Variants in KCNT1 observed in about 807,000 individuals in gnomAD.
The protein encoded by KCNT1 is potassium sodium-activated channel subfamily T member 1, also known as potassium channel subfamily T member 1.
A neutral mutation model predicts 147.8 loss-of-function variants in KCNT1; 78 were observed. The ratio of observed to expected loss-of-function variants is 0.53; its 90% CI spans 0.44 to 0.64. KCNT1 has a LOEUF of 0.64. Ranked by LOEUF, KCNT1 falls within the 30% of genes least tolerant of loss-of-function variation. The pLI is 0.00. For missense variants in KCNT1, 1,419 were observed against 1,750.3 expected, an observed-to-expected ratio of 0.81 and a Z score of 3.38; for synonymous variants, 867 against 748.8, an observed-to-expected ratio of 1.16 and a Z score of -2.58.
At chr9:135,769,925 C>T (rs963082848) in intron 15 of KCNT1, 22 bp from the exon 16 acceptor site, 10 of 1,520,372 alleles carry the variant, frequency 6.6e-6, no homozygotes, top group East Asian at 2.5e-5. Flanking sequence ...GCAGGTGGAC[C>T]GGCCTCCCCC....
Position 135,786,420 on chromosome 9 carries a change from G to GC in KCNT1, c.3403dup (p.Gln1135ProfsTer11). The GC allele has an allele frequency of 1.3e-6, 2 of 1,587,224 alleles. No homozygotes were observed. The highest frequency in any genetic ancestry group is 1.7e-6 in the Non-Finnish European group (2 of 1,167,610). ...CGGGCGGCGGCCGCGGAGTGGATCAGCCAGCAGCGCCTCAGCCTGTACCGG... is the reference window on the plus strand; with the variant it reads ...CGGGCGGCGGCCGCGGAGTGGATCAGCCCAGCAGCGCCTCAGCCTGTACCGG... On this transcript the variant is annotated frameshift_variant, in exon 29 of 31. Coordinates refer to ENST00000371757, the MANE Select transcript of KCNT1 (RefSeq NM_020822.3). LOFTEE classifies it high-confidence loss of function.
intron 2 of KCNT1, among the ~76,000 whole-genome samples, chr9:135,721,219 C>T (rs1236063351): frequency 6.6e-6 from 1 of 152,206 alleles, no homozygotes; most frequent in African/African-American, 2.4e-5. Flanking sequence ...CACTCCGCTC[C>T]AGCACCGGGT....
chr9:135,753,206 G>T (rs964059848), intron 4 of KCNT1, among the ~76,000 whole-genome samples: 7 of 152,182 alleles, frequency 4.6e-5, no homozygotes, highest in African/African-American at 1.2e-4. Flanking sequence ...ATACTTCTGT[G>T]GGCACTTAGT....
chr9:135,749,189 C>T (rs1252809214), intron 2 of KCNT1, among the ~76,000 whole-genome samples: 3 of 152,190 alleles, frequency 2.0e-5, no homozygotes, highest in Non-Finnish European at 2.9e-5. Flanking sequence ...GGAGACCCTG[C>T]GTCCAAGGCT....
rs1835626763 is a variant in KCNT1, at chr9:135,714,334, T to C, written c.111-243T>C. ...CCTCCTGCCAGGCCCCGGGGCCGCT[T>C]TGGAGGGAGCCCCGCCCCCTGCCCC... On this transcript the variant is annotated intron_variant, in intron 1 of 30. Coordinates refer to ENST00000371757, the MANE Select transcript of KCNT1 (RefSeq NM_020822.3). The surrounding 1 kb of genome is among the most constrained non-coding windows in gnomAD (Gnocchi z 6.2). 1.3e-5 allele frequency: 2 copies of C among 151,580 alleles called. No individual in the cohort carries two copies. Among genetic ancestry groups the C allele is most frequent in the Admixed American group, 1.3e-4 (2 of 15,230 alleles). The allele number at this position is 151,580 out of a possible 1,614,324, so 9.4% of individuals were successfully genotyped here. A position where few individuals can be genotyped will look rare whatever the true frequency, so the allele number is the denominator to read the frequency against.
At chr9:135,731,970 A>ATATATATATATG (rs1564327820) in intron 2 of KCNT1, among the ~76,000 whole-genome samples, 1 of 26,820 alleles carries the variant, frequency 3.7e-5, no homozygotes, top group Non-Finnish European at 7.5e-5. Context: ...GTATATATAT[A>ATATATATATATG]TATATATATA....
At chr9:135,791,912 C>T (rs764354080) in intron 30 of KCNT1, 31 bp downstream of exon 30, 2 of 1,612,010 alleles carry the variant, frequency 1.2e-6, no homozygotes, top group Non-Finnish European at 1.7e-6. Flanking sequence ...GTGTGGAGAC[C>T]CCCCCTGAGC....
At chr9:135,781,796 T>C (rs1054355679) in intron 24 of KCNT1, among the ~76,000 whole-genome samples, 1 of 152,156 alleles carries the variant, frequency 6.6e-6, no homozygotes, top group Non-Finnish European at 1.5e-5. Context: ...GTCAGTGAGA[T>C]GCTCTGCCAG....
intron 29 of KCNT1, among the ~76,000 whole-genome samples, chr9:135,787,728 G>A (rs376128011): frequency 2.4e-4 from 37 of 152,298 alleles, no homozygotes; most frequent in African/African-American, 8.2e-4. Context: ...CCCTGTCCCC[G>A]CCTTGAAGCT....
chr9:135,739,209 C>A (rs1318770962), intron 2 of KCNT1, among the ~76,000 whole-genome samples: 1 of 152,102 alleles, frequency 6.6e-6, no homozygotes, highest in Non-Finnish European at 1.5e-5. Context: ...GTTCTGCCCC[C>A]ACACCATCCC....
chr9:135,777,614 G>A, intron 21 of KCNT1, 104 bp downstream of exon 21: 1 of 1,071,488 alleles, frequency 9.3e-7, no homozygotes, highest in Middle Eastern at 3.1e-4. Context: ...AGAGGGCACG[G>A]GAACATGGGG....
chr9:135,757,327 C>T lies in KCNT1; in HGVS notation c.705C>T (p.Phe235=). The change falls in exon 9 of 31, where the codon TTC becomes TTT. Residue 235 remains phenylalanine (F), a synonymous_variant. Transcript: ENST00000371757. ...TCTGGCCGCCGCTGCGGAACCTGTT[C>T]ATCCCCGTCTTTCTGAACTGCTGGC... The part of the protein sequence containing the change: ...TIFWPPLRNL[F]IPVFLNCWLA... The T allele has an allele frequency of 2.5e-6, 4 of 1,612,002 alleles. No individual in the cohort carries two copies. Among genetic ancestry groups the T allele is most frequent in the South Asian group, 1.1e-5 (1 of 91,064 alleles).
intron 1 of KCNT1, among the ~76,000 whole-genome samples, chr9:135,713,101 C>G (rs487393): frequency 0.86 from 130,579 of 152,232 alleles, 56,741 homozygotes; most frequent in Non-Finnish European, 0.93. Flanking sequence ...GGGGTGGGGA[C>G]GGGAGGAGGC....
intron 2 of KCNT1, among the ~76,000 whole-genome samples, chr9:135,738,463 C>T (rs1180370397): frequency 1.3e-5 from 2 of 151,758 alleles, no homozygotes; most frequent in African/African-American, 2.4e-5. Flanking sequence ...AAAACACAGG[C>T]GAGGCCAGAG....
chr9:135,788,795 C>T (rs1834269460), intron 29 of KCNT1, among the ~76,000 whole-genome samples: 1 of 152,212 alleles, frequency 6.6e-6, no homozygotes, highest in Admixed American at 6.5e-5. Flanking sequence ...CCCGTTTCCT[C>T]CAAGAACATG....
At chr9:135,728,381 A>G (rs1326096325) in intron 2 of KCNT1, among the ~76,000 whole-genome samples, 2 of 152,214 alleles carry the variant, frequency 1.3e-5, no homozygotes, top group African/African-American at 4.8e-5. Context: ...CCTGGTTTCT[A>G]TGTGGGGCAG....
intron 19 of KCNT1, 109 bp from the exon 20 acceptor site, chr9:135,775,201 G>A: frequency 1.4e-6 from 1 of 709,796 alleles, no homozygotes; most frequent in Non-Finnish European, 2.3e-6. Flanking sequence ...CGAGCAACGT[G>A]GCTGTGGGTG....
At chr9:135,785,769 T>C (rs1588405892) in intron 28 of KCNT1, 2 of 428,762 alleles carry the variant, frequency 4.7e-6, no homozygotes, top group South Asian at 4.6e-5. Context: ...CTCCAAAGGG[T>C]GTGTTTGCAA....
intron 11 of KCNT1, among the ~76,000 whole-genome samples, chr9:135,760,367 G>A (rs930493254): frequency 6.6e-6 from 1 of 152,224 alleles, no homozygotes; most frequent in Non-Finnish European, 1.5e-5. Flanking sequence ...AGCTGCCTCA[G>A]GGTGTGAAGT....
Sources: gnomAD v4.1 joint callset for allele counts (sites outside exome capture counted in the v4.1 genomes callset) on GRCh38, gnomAD v4.1.1 for gene constraint, Gnocchi (gnomAD v3.1) non-coding constraint, MANE v1.5 for transcripts, NCBI Gene and HGNC (gene_info 2026-07-23, HGNC 2026-07-21) for gene names.